The following DIPK1C variants were observed in gnomAD, a reference collection of about 807,000 sequenced individuals.
The protein encoded by DIPK1C is divergent protein kinase domain 1C, also known as familial non-conventional Alzheimer's dementia.
In DIPK1C, 33 loss-of-function variants were observed where a neutral mutation model predicts 28.0. That is an observed-to-expected ratio of 1.18 (90% CI 0.89 to 1.58). DIPK1C has a LOEUF of 1.58. DIPK1C is among the 40% of genes most tolerant of loss of function. DIPK1C has a pLI of 0.00. For synonymous variants in DIPK1C, 255 were observed against 248.8 expected, an observed-to-expected ratio of 1.02 and a Z score of -0.23; for missense variants, 569 against 568.5, an observed-to-expected ratio of 1.00 and a Z score of -0.01.
chr18:74,442,483 C>G (rs748583649), intron 2 of DIPK1C, among the ~76,000 whole-genome samples: 1 of 152,092 alleles, frequency 6.6e-6, no homozygotes, highest in Non-Finnish European at 1.5e-5. Flanking sequence ...TGCCCACCAC[C>G]ACACCCGGCT....
At chr18:74,445,569 C>G (rs1266339455) in intron 2 of DIPK1C, among the ~76,000 whole-genome samples, 1 of 152,230 alleles carries the variant, frequency 6.6e-6, no homozygotes, top group Non-Finnish European at 1.5e-5. Context: ...GCCTTGGAGG[C>G]CATGACTGGC....
Position 74,447,221 on chromosome 18 carries a change from T to TC in DIPK1C, c.260dup (p.Glu88ArgfsTer168). ...GCAGGCAGCGTTGGAACAGCAGCTC[T>TC]CCCGCCACACACAGGTCCTCGCAGA... On this transcript the variant is annotated frameshift_variant, in exon 2 of 4. Coordinates refer to ENST00000343998, the MANE Select transcript of DIPK1C (RefSeq NM_001044369.3). LOFTEE classifies it high-confidence loss of function. This position sits in a 1 kb window ranked among gnomAD's most constrained non-coding sequence, Gnocchi z 4.1. 1 of 1,549,714 alleles carries TC rather than the reference T, an allele frequency of 6.5e-7. No homozygotes were observed. The highest frequency in any genetic ancestry group is 8.7e-7 in the Non-Finnish European group (1 of 1,146,738).
Position 74,441,426 on chromosome 18 carries a change from G to A in DIPK1C, c.1041+526C>T, listed in dbSNP as rs1191046543. Among the ~76,000 whole-genome samples the A allele has an allele frequency of 3.9e-5, 6 of 152,258 alleles. 1 individual carries two copies. The highest frequency in any genetic ancestry group is 4.1e-4 in the South Asian group (2 of 4,826). ...ACCCCAGATGGGGGACCTGAGACCC[G>A]CCAGCTCTGAATGCCTGAACCCTGT... On this transcript the variant is annotated intron_variant, in intron 3 of 3. Transcript: ENST00000343998.
At chr18:74,444,106 C>A (rs936744879) in intron 2 of DIPK1C, among the ~76,000 whole-genome samples, 2 of 151,882 alleles carry the variant, frequency 1.3e-5, no homozygotes, top group African/African-American at 4.8e-5. Flanking sequence ...TCATAAAGTC[C>A]TTCCTGCATA....
chr18:74,441,642 G>A (rs1051376808), intron 3 of DIPK1C, among the ~76,000 whole-genome samples: 2 of 152,150 alleles, frequency 1.3e-5, no homozygotes, highest in South Asian at 2.1e-4. Context: ...TTCTCATAGT[G>A]TATGTGCCCA....
chr18:74,446,805 G>A lies in DIPK1C; in HGVS notation c.677C>T (p.Ala226Val). Residue 226 changes from alanine to valine, a missense_variant, in exon 2 of 4, where the codon GCC becomes GTC. Coordinates refer to ENST00000343998, the MANE Select transcript of DIPK1C (RefSeq NM_001044369.3). ...TGCCCTGTGGTGGGGGCTGCCCGCG[G>A]CCAGGAACTCCACCGCGTAGAAGTG... ...CGHFYAVEFL[A>V]AGSPHHRALF... The A allele has an allele frequency of 6.7e-7, 1 of 1,489,402 alleles. No individual in the cohort carries two copies. The highest frequency in any genetic ancestry group is 9.0e-7 in the Non-Finnish European group (1 of 1,115,920). The allele number at this position is 1,489,402 out of a possible 1,614,324, so 92.3% of individuals were successfully genotyped here. A position where few individuals can be genotyped will look rare whatever the true frequency, so the allele number is the denominator to read the frequency against.
chr18:74,459,334 C>T (rs755961350), upstream of DIPK1C, among the ~76,000 whole-genome samples: 17 of 152,140 alleles, frequency 1.1e-4, no homozygotes, highest in Non-Finnish European at 2.2e-4. Context: ...TTTAAAAATC[C>T]GTTATGAAGC....
intron 3 of DIPK1C, among the ~76,000 whole-genome samples, chr18:74,440,568 A>G (rs973439814): frequency 1.5e-4 from 23 of 152,218 alleles, no homozygotes; most frequent in African/African-American, 5.3e-4. Flanking sequence ...TTGAATGGTA[A>G]GATAAAATAC....
At position 74,446,832 on chromosome 18, in the gene DIPK1C, C is replaced by T; in HGVS notation, c.650G>A (p.Gly217Asp). 1 of 1,500,508 alleles carries T rather than the reference C, an allele frequency of 6.7e-7. No homozygotes were observed. The highest frequency in any genetic ancestry group is 1.3e-5 in the South Asian group (1 of 77,160). 92.9% of individuals were successfully genotyped at this position (1,500,508 alleles called of 1,614,324 possible). A position where few individuals can be genotyped will look rare whatever the true frequency, so the allele number is the denominator to read the frequency against. The change falls in exon 2 of 4, where the codon GGC (glycine) becomes GAC (aspartate). Residue 217 changes from glycine to aspartate, a missense_variant. By Grantham distance (94) the Gly-to-Asp change is moderately conservative. Transcript: ENST00000343998. ...CAGGAACTCCACCGCGTAGAAGTGGCCGCAGGAACCCAGCACGGGCAGCAC... is the reference window on the plus strand; with the variant it reads ...CAGGAACTCCACCGCGTAGAAGTGGTCGCAGGAACCCAGCACGGGCAGCAC... ...PHVLPVLGSC[G>D]HFYAVEFLAA...
At chr18:74,441,480 G>T (rs1222905724) in intron 3 of DIPK1C, among the ~76,000 whole-genome samples, 2 of 152,154 alleles carry the variant, frequency 1.3e-5, no homozygotes, top group African/African-American at 4.8e-5. Context: ...TGATCTCCTG[G>T]ACTTGGCTCC....
At chr18:74,445,984 G>A (rs1210197808) in intron 2 of DIPK1C, among the ~76,000 whole-genome samples, 1 of 152,214 alleles carries the variant, frequency 6.6e-6, no homozygotes, top group African/African-American at 2.4e-5. Flanking sequence ...ACACCTCCCT[G>A]TTCTCACGCA....
At chr18:74,451,266 C>A (rs1986391593) in intron 1 of DIPK1C, among the ~76,000 whole-genome samples, 1 of 152,194 alleles carries the variant, frequency 6.6e-6, no homozygotes, top group African/African-American at 2.4e-5. Flanking sequence ...GAAGCAAGCA[C>A]CTACTGACAG....
intron 2 of DIPK1C, among the ~76,000 whole-genome samples, chr18:74,444,306 A>G (rs1387733349): frequency 6.6e-6 from 1 of 152,196 alleles, no homozygotes; most frequent in South Asian, 2.1e-4. Flanking sequence ...ATTTACAGCC[A>G]CTGGACACTT....
chr18:74,455,837 C>G (rs578074985), intron 1 of DIPK1C, among the ~76,000 whole-genome samples: 3 of 152,136 alleles, frequency 2.0e-5, no homozygotes, highest in African/African-American at 7.2e-5. Context: ...AGTGACTCAC[C>G]TATGTTCAAT....
chr18:74,450,209 G>A (rs1986369249), intron 1 of DIPK1C, among the ~76,000 whole-genome samples: 1 of 151,892 alleles, frequency 6.6e-6, no homozygotes, highest in African/African-American at 2.4e-5. Flanking sequence ...ATAAGAAAGT[G>A]CAAAAAAAAT....
chr18:74,441,205 G>C (rs564346493), intron 3 of DIPK1C, among the ~76,000 whole-genome samples: 1 of 152,166 alleles, frequency 6.6e-6, no homozygotes, highest in Non-Finnish European at 1.5e-5. Flanking sequence ...CTAGGGGAGC[G>C]GGTTGGATAG....
intron 1 of DIPK1C, among the ~76,000 whole-genome samples, chr18:74,449,040 C>T (rs534876230): frequency 2.5e-4 from 38 of 152,034 alleles, no homozygotes; most frequent in African/African-American, 8.7e-4. Flanking sequence ...AACCGGGAGG[C>T]GCAGGTTGGA....
chr18:74,443,931 C>G lies in DIPK1C; in HGVS notation c.877-1815G>C, dbSNP rs144688897. Among the ~76,000 whole-genome samples the G allele has an allele frequency of 7.0e-4, 107 of 152,238 alleles. 1 individual carries two copies. The highest frequency in any genetic ancestry group is 3.2e-3 in the Admixed American group (49 of 15,298). ...TTCTCCTTCCCATTTCTGATAGTTT[C>G]CTTCTCATCTCCCAGGGAGAGCCAG... On this transcript the variant is annotated intron_variant, in intron 2 of 3. Transcript: ENST00000343998.
upstream of DIPK1C, among the ~76,000 whole-genome samples, chr18:74,458,824 C>T (rs1442093323): frequency 6.6e-6 from 1 of 152,112 alleles, no homozygotes; most frequent in Non-Finnish European, 1.5e-5. Context: ...TAGTAAAATA[C>T]TGCATTAAAC....
Sources: gnomAD v4.1 joint callset for allele counts (sites outside exome capture counted in the v4.1 genomes callset) on GRCh38, gnomAD v4.1.1 for gene constraint, Gnocchi (gnomAD v3.1) non-coding constraint, MANE v1.5 for transcripts, NCBI Gene and HGNC (gene_info 2026-07-23, HGNC 2026-07-21) for gene names.